The following FARP1 variants were observed in gnomAD, a reference collection of about 807,000 sequenced individuals.
FARP1 encodes the protein FERM, ARHGEF and pleckstrin domain-containing protein 1.
Under a neutral mutation model 128.8 loss-of-function variants are expected in FARP1, and 52 were observed. The ratio of observed to expected loss-of-function variants is 0.40; its 90% CI spans 0.32 to 0.51. The LOEUF (loss-of-function observed/expected upper bound fraction) is 0.51, where lower values mean the gene tolerates loss of function less well. Among genes scored for constraint, FARP1 ranks in the 20% least tolerant of loss-of-function variants. The pLI is 0.45. For synonymous variants in FARP1, 580 were observed against 551.8 expected, an observed-to-expected ratio of 1.05 and a Z score of -0.72; for missense variants, 1,333 against 1,367.9, an observed-to-expected ratio of 0.97 and a Z score of 0.40.
At chr13:98,241,415 G>A (rs568886771) in intron 2 of FARP1, among the ~76,000 whole-genome samples, 69 of 152,262 alleles carry the variant, frequency 4.5e-4, no homozygotes, top group African/African-American at 1.5e-3. Context: ...TCCACAACAG[G>A]CACATGGAAG....
At chr13:98,281,549 T>TC (rs1884938241) in intron 2 of FARP1, among the ~76,000 whole-genome samples, 1 of 152,122 alleles carries the variant, frequency 6.6e-6, no homozygotes. Flanking sequence ...CCACATTCAC[T>TC]CCATGTCTCT....
intron 1 of FARP1, among the ~76,000 whole-genome samples, chr13:98,202,824 AT>A (rs1201346072): frequency 6.6e-6 from 1 of 151,944 alleles, no homozygotes; most frequent in Non-Finnish European, 1.5e-5. Flanking sequence ...GTCTCAAGTG[AT>A]CCTCTTGCCT....
intron 2 of FARP1, chr13:98,329,505 T>C (rs1887393764): frequency 6.6e-6 from 1 of 152,084 alleles, no homozygotes; most frequent in Admixed American, 6.5e-5. Context: ...CTACTAAAAA[T>C]ACAAAAATTA....
intron 2 of FARP1, among the ~76,000 whole-genome samples, chr13:98,243,949 A>G (rs1296008313): frequency 2.0e-5 from 3 of 152,248 alleles, no homozygotes; most frequent in Non-Finnish European, 4.4e-5. Flanking sequence ...TCATAGTGCT[A>G]TTACAAAATA....
chr13:98,175,010 G>A (rs1298635060), intron 1 of FARP1, among the ~76,000 whole-genome samples: 1 of 152,144 alleles, frequency 6.6e-6, no homozygotes, highest in Non-Finnish European at 1.5e-5. Flanking sequence ...TCAAAATCAC[G>A]TGGAAAGTTT....
At chr13:98,150,822 T>G (rs1875945492) in intron 1 of FARP1, among the ~76,000 whole-genome samples, 2 of 152,156 alleles carry the variant, frequency 1.3e-5, no homozygotes. Context: ...TGTTTAAGAT[T>G]ATGATCAAAT....
At chr13:98,147,405 T>C (rs999946480) in intron 1 of FARP1, among the ~76,000 whole-genome samples, 1 of 152,154 alleles carries the variant, frequency 6.6e-6, no homozygotes, top group African/African-American at 2.4e-5. Context: ...GAATTTCATA[T>C]GTAAAACTGT....
intron 3 of FARP1, 142 bp from the exon 4 acceptor site, chr13:98,365,253 C>G: frequency 1.7e-6 from 1 of 605,780 alleles, no homozygotes; most frequent in Admixed American, 2.6e-5. Flanking sequence ...ACGTAAGATA[C>G]GGCATTCTGG....
intron 3 of FARP1, among the ~76,000 whole-genome samples, chr13:98,358,916 C>T (rs143794418): frequency 6.6e-6 from 1 of 152,186 alleles, no homozygotes; most frequent in Admixed American, 6.5e-5. Flanking sequence ...GAATTACAGA[C>T]GTGAGGCACC....
intron 16 of FARP1, among the ~76,000 whole-genome samples, chr13:98,412,755 T>G (rs1891238148): frequency 6.6e-6 from 1 of 152,234 alleles, no homozygotes; most frequent in Non-Finnish European, 1.5e-5. Flanking sequence ...TCTACACCTT[T>G]ACCTAAAATA....
intron 2 of FARP1, among the ~76,000 whole-genome samples, chr13:98,227,476 C>T (rs762932153): frequency 6.0e-4 from 89 of 148,040 alleles, no homozygotes; most frequent in Non-Finnish European, 1.1e-3. Flanking sequence ...CAGAAAAAAA[C>T]GAGTACTGAT....
chr13:98,184,223 T>C (rs1285804926), intron 1 of FARP1, among the ~76,000 whole-genome samples: 2 of 152,100 alleles, frequency 1.3e-5, no homozygotes, highest in East Asian at 1.9e-4. Flanking sequence ...GTTCAAGCGA[T>C]TCTCCTGCCT....
chr13:98,277,109 T>TACACACACACAAACAC (rs1884689398), intron 2 of FARP1, among the ~76,000 whole-genome samples: 1 of 118,142 alleles, frequency 8.5e-6, no homozygotes, highest in Non-Finnish European at 1.7e-5. Context: ...TCTAGAAAAA[T>TACACACACACAAACAC]ACACACACAC....
At chr13:98,163,555 GA>G (rs1172865368) in intron 1 of FARP1, among the ~76,000 whole-genome samples, 14 of 115,962 alleles carry the variant, frequency 1.2e-4, no homozygotes, top group Non-Finnish European at 2.5e-4. Context: ...TTTTTTTTTT[GA>G]GATGGGATCT....
At chr13:98,291,576 A>G (rs1049363774) in intron 2 of FARP1, among the ~76,000 whole-genome samples, 3 of 152,188 alleles carry the variant, frequency 2.0e-5, no homozygotes, top group African/African-American at 4.8e-5. Flanking sequence ...AGGAACTATC[A>G]TGAGGGGCAA....
At chr13:98,145,958 G>C (rs1012058705) in intron 1 of FARP1, among the ~76,000 whole-genome samples, 1 of 151,934 alleles carries the variant, frequency 6.6e-6, no homozygotes, top group African/African-American at 2.4e-5. Context: ...CATTGAAAGG[G>C]TTAGTTTTTT....
chr13:98,358,163 A>C, intron 3 of FARP1, among the ~76,000 whole-genome samples: 1 of 144,516 alleles, frequency 6.9e-6, no homozygotes, highest in Non-Finnish European at 1.5e-5. Flanking sequence ...GTATCTCTCT[A>C]CTCCCTGGTA....
At chr13:98,355,832 A>G (rs141830097) in intron 3 of FARP1, among the ~76,000 whole-genome samples, 2 of 152,210 alleles carry the variant, frequency 1.3e-5, no homozygotes, top group Non-Finnish European at 1.5e-5. Context: ...TTCATTTTCA[A>G]TACTTTCCCA....
intron 2 of FARP1, among the ~76,000 whole-genome samples, chr13:98,251,423 C>A (rs529762667): frequency 6.6e-6 from 1 of 152,170 alleles, no homozygotes; most frequent in Non-Finnish European, 1.5e-5. Flanking sequence ...ATTCTTACGC[C>A]TGTAATCCCA....
Sources: allele counts gnomAD v4.1 joint callset (sites outside exome capture counted in the v4.1 genomes callset), GRCh38; gene constraint gnomAD v4.1.1; transcripts MANE v1.5; gene names NCBI Gene and HGNC (gene_info 2026-07-23, HGNC 2026-07-21).